Variants in AXDND1 observed in about 807,000 individuals in gnomAD.
AXDND1 encodes the protein axonemal dynein light chain domain containing 1, also known as axonemal dynein light chain domain-containing protein 1.
AXDND1 carries 110 observed loss-of-function variants against 137.5 expected under a neutral mutation model. The observed-to-expected ratio is 0.80, with a 90% CI of 0.69 to 0.94. The LOEUF (loss-of-function observed/expected upper bound fraction) is 0.94. Ranked by LOEUF, AXDND1 falls within the 40% of genes least tolerant of loss-of-function variation. AXDND1 has a pLI of 0.00. For missense variants in AXDND1, 1,191 were observed against 1,169.8 expected (o/e 1.02, Z -0.26); for synonymous variants, 414 against 399.7 (o/e 1.04, Z -0.43).
rs199519013 is a variant in AXDND1 at position 179,430,445 on chromosome 1, T to C, written c.1333-7T>C. The C allele has an allele frequency of 1.8e-5, 29 of 1,593,652 alleles. No individual in the cohort carries two copies. In the South Asian group the frequency reaches 2.8e-4, roughly 16 times the overall value. On this transcript the variant is annotated splice_polypyrimidine_tract_variant and splice_region_variant and intron_variant, in intron 13 of 25. Transcript: ENST00000367618. ...ATATATTATTTGATTCTATGCATTT[T>C]ATATAGGACACTGAAGACCTTGCAC...
intron 18 of AXDND1, among the ~76,000 whole-genome samples, chr1:179,489,490 T>A (rs1666592911): frequency 6.6e-6 from 1 of 152,164 alleles, no homozygotes; most frequent in Non-Finnish European, 1.5e-5. Context: ...GAAAGAATAG[T>A]TAGGAATTTA....
chr1:179,502,932 C>G (rs1386235259), intron 20 of AXDND1, among the ~76,000 whole-genome samples: 1 of 151,742 alleles, frequency 6.6e-6, no homozygotes, highest in Non-Finnish European at 1.5e-5. Flanking sequence ...CCCGTCTCTA[C>G]TGAAAATACA....
At chr1:179,465,965 T>C (rs1276943268) in intron 16 of AXDND1, among the ~76,000 whole-genome samples, 1 of 152,156 alleles carries the variant, frequency 6.6e-6, no homozygotes, top group African/African-American at 2.4e-5. Context: ...GCTAAGACCA[T>C]TGGAAAAGCG....
chr1:179,544,009 C>T (rs113080950), intron 25 of AXDND1: 1 of 152,580 alleles, frequency 6.6e-6, no homozygotes, highest in Non-Finnish European at 1.5e-5. Flanking sequence ...AAACAAAACC[C>T]AAGTAGTGTC....
chr1:179,528,289 C>A, intron 22 of AXDND1, 38 bp from the exon 23 acceptor site: 1 of 1,495,862 alleles, frequency 6.7e-7, no homozygotes, highest in Non-Finnish European at 9.3e-7. Context: ...GGGTGCTACA[C>A]CAGCTTGCTA....
At chr1:179,467,794 T>C (rs1558225246) in intron 16 of AXDND1, among the ~76,000 whole-genome samples, 1 of 152,210 alleles carries the variant, frequency 6.6e-6, no homozygotes, top group East Asian at 1.9e-4. Flanking sequence ...AATATTTTCA[T>C]CCAAGACAAG....
At chr1:179,551,869 C>A in intron 25 of AXDND1, 1 of 210,786 alleles carries the variant, frequency 4.7e-6, no homozygotes, top group Non-Finnish European at 9.6e-6. Context: ...CAAATGCTAC[C>A]TGAAAGTGGG....
At chr1:179,420,014 G>A (rs537072588) in intron 12 of AXDND1, among the ~76,000 whole-genome samples, 3 of 152,220 alleles carry the variant, frequency 2.0e-5, no homozygotes, top group African/African-American at 7.2e-5. Flanking sequence ...TCCTTGTCTT[G>A]TTCTAGATCT....
At chr1:179,374,369 T>C (rs1358427868) in intron 4 of AXDND1, among the ~76,000 whole-genome samples, 5 of 152,202 alleles carry the variant, frequency 3.3e-5, no homozygotes, top group Non-Finnish European at 7.3e-5. Context: ...GCTTTTACAC[T>C]GTTGGTGGGA....
chr1:179,469,975 C>G (rs376810503), intron 17 of AXDND1, among the ~76,000 whole-genome samples: 61 of 152,224 alleles, frequency 4.0e-4, no homozygotes, highest in African/African-American at 1.4e-3. Context: ...ATTAAGGTCT[C>G]TGATCCATTT....
intron 25 of AXDND1, among the ~76,000 whole-genome samples, chr1:179,541,697 CATG>C (rs1308137344): frequency 2.8e-5 from 4 of 141,462 alleles, no homozygotes; most frequent in African/African-American, 3.1e-5. Context: ...TGATAATATG[CATG>C]ATAATATATG....
intron 25 of AXDND1, among the ~76,000 whole-genome samples, chr1:179,536,226 T>C (rs1292051097): frequency 2.6e-5 from 4 of 152,210 alleles, no homozygotes; most frequent in African/African-American, 9.6e-5. Flanking sequence ...TTAGATCCCA[T>C]TTGTCTCTTT....
intron 10 of AXDND1, 44 bp downstream of exon 10, chr1:179,394,087 C>T (rs377419373): frequency 1.3e-5 from 20 of 1,546,594 alleles, no homozygotes; most frequent in Non-Finnish European, 1.7e-5. Flanking sequence ...AAGTCAATGT[C>T]ATGTCTCTAA....
intron 12 of AXDND1, among the ~76,000 whole-genome samples, chr1:179,425,951 C>T (rs1395558989): frequency 1.3e-5 from 2 of 151,756 alleles, no homozygotes; most frequent in East Asian, 1.9e-4. Context: ...ATTCTCCTGC[C>T]ACAGCCTCTC....
Position 179,534,872 on chromosome 1 carries a change from C to A in AXDND1, c.2941C>A (p.Gln981Lys). The A allele has an allele frequency of 6.2e-7, 1 of 1,608,202 alleles. No individual in the cohort carries two copies. Among genetic ancestry groups the A allele is most frequent in the Non-Finnish European group, 8.5e-7 (1 of 1,178,432 alleles). The change falls in exon 25 of 26, where the codon CAA (glutamine) becomes AAA (lysine). Residue 981 changes from glutamine (Q) to lysine (K), a missense_variant. Coordinates refer to ENST00000367618, the MANE Select transcript of AXDND1 (RefSeq NM_144696.6). ...GGAGTCTAAAGAAGAGAAAGAAAAT[C>A]AAGATGAAAGAGAAGTAAAAGAAGA... ...RKESKEEKEN[Q>K]DEREVKEEEE...
chr1:179,377,518 C>T (rs1647473490), intron 4 of AXDND1, among the ~76,000 whole-genome samples: 1 of 152,144 alleles, frequency 6.6e-6, no homozygotes, highest in Non-Finnish European at 1.5e-5. Flanking sequence ...GATTCCGTCT[C>T]CTGGAAGAGT....
chr1:179,372,222 AT>A (rs1668103239), intron 4 of AXDND1, among the ~76,000 whole-genome samples: 2 of 152,286 alleles, frequency 1.3e-5, no homozygotes, highest in Non-Finnish European at 2.9e-5. Context: ...CTCGAGTAAT[AT>A]TTTTCGACAA....
At chr1:179,408,708 G>A (rs554651332) in intron 11 of AXDND1, among the ~76,000 whole-genome samples, 2 of 152,048 alleles carry the variant, frequency 1.3e-5, no homozygotes, top group Non-Finnish European at 2.9e-5. Flanking sequence ...TAGAGATGGG[G>A]TTCACTGTAT....
chr1:179,510,264 T>G (rs928148407), intron 21 of AXDND1, among the ~76,000 whole-genome samples: 2 of 152,170 alleles, frequency 1.3e-5, no homozygotes, highest in African/African-American at 2.4e-5. Flanking sequence ...GTGACTATCA[T>G]GTGCCATCAC....
Sources: allele counts gnomAD v4.1 joint callset (sites outside exome capture counted in the v4.1 genomes callset), GRCh38; gene constraint gnomAD v4.1.1; transcripts MANE v1.5; gene names NCBI Gene and HGNC (gene_info 2026-07-23, HGNC 2026-07-21).